The following CYP3A5 variants were observed in gnomAD, a reference collection of about 807,000 sequenced individuals.
CYP3A5 encodes cytochrome P450 family 3 subfamily A member 5, also known as cytochrome P450 3A5.
Under a neutral mutation model 55.9 loss-of-function variants are expected in CYP3A5, and 51 were observed. That is an observed-to-expected ratio of 0.91 (90% CI 0.73 to 1.15). The LOEUF is 1.15. CYP3A5 is among the 50% of genes most tolerant of loss of function. The pLI, the probability that CYP3A5 is intolerant of heterozygous loss-of-function variation, is 0.00. For missense variants in CYP3A5, 533 were observed against 596.6 expected (o/e 0.89, Z 1.11); for synonymous variants, 196 against 213.9 (o/e 0.92, Z 0.73).
intron 10 of CYP3A5, among the ~76,000 whole-genome samples, chr7:99,657,416 G>A (rs1053309772): frequency 8.1e-4 from 124 of 152,200 alleles, no homozygotes; most frequent in Non-Finnish European, 1.6e-3. Flanking sequence ...TGAATCCTGA[G>A]TTCTAGTTTG....
In CYP3A5 at chr7:99,657,631, A is replaced by G. The variant is rs563638755; in HGVS notation, c.1026+2868T>C. On this transcript the variant is annotated intron_variant, in intron 10 of 12. Transcript: ENST00000222982. ...GTGCAGAGCTGAGTTCAATTCCTGG[A>G]TATCCTTCTTAACTTTCTGTCCTGT... Among the ~76,000 whole-genome samples, 5 of 152,242 alleles carry G rather than the reference A, an allele frequency of 3.3e-5. No individual in the cohort carries two copies. In the South Asian group the frequency reaches 6.2e-4, roughly 19 times the overall value.
At chr7:99,666,567 C>T in intron 6 of CYP3A5, 34 bp downstream of exon 6, 1 of 1,605,952 alleles carries the variant, frequency 6.2e-7, no homozygotes, top group African/African-American at 1.3e-5. Context: ...GGGCTCATGA[C>T]AGCTCAGAAC....
chr7:99,662,926 G>T lies in CYP3A5; in HGVS notation c.799-44C>A. The T allele has an allele frequency of 6.2e-7, 1 of 1,610,326 alleles. No homozygotes were observed. The highest frequency in any genetic ancestry group is 8.5e-7 in the Non-Finnish European group (1 of 1,177,670). On this transcript the variant is annotated intron_variant, in intron 8 of 12. Coordinates refer to ENST00000222982, the MANE Select transcript of CYP3A5 (RefSeq NM_000777.5). The surrounding 1 kb of genome is among the most constrained non-coding windows in gnomAD (Gnocchi z 4.3). ...ATTTCTTTGGCAGAAAGTGACTCGT[G>T]AAGTCAGAAGTAAATCAAAAGTGCA...
At chr7:99,660,286 G>A in intron 10 of CYP3A5, 2 of 1,056,394 alleles carry the variant, frequency 1.9e-6, no homozygotes, top group Non-Finnish European at 2.3e-6. Context: ...GTGAACCAGG[G>A]CCAGCAATAT....
At chr7:99,670,430 C>G (rs374352494) in intron 4 of CYP3A5, among the ~76,000 whole-genome samples, 1 of 152,150 alleles carries the variant, frequency 6.6e-6, no homozygotes, top group African/African-American at 2.4e-5. Flanking sequence ...GTCCTGTGAA[C>G]AGCCAAAAAT....
Position 99,665,252 on chromosome 7 carries a change from G to C in CYP3A5, c.584C>G (p.Ser195Cys), listed in dbSNP as rs979438885. The part of the protein sequence containing the change: ...TGTSFGVNID[S>C]LNNPQDPFVE... ...AAAGGGGTCTTGTGGATTGTTGAGA[G>C]AGTCGATGTTCACTCCAAATGATGT... Residue 195 changes from serine to cysteine, a missense_variant, in exon 7 of 13, where the codon TCT becomes TGT. Transcript: ENST00000222982. The C allele has an allele frequency of 5.6e-6, 9 of 1,614,074 alleles. No individual in the cohort carries two copies. The African/African-American group carries it at 8.0e-5, about 14-fold the overall frequency.
intron 10 of CYP3A5, among the ~76,000 whole-genome samples, chr7:99,658,262 T>G (rs62398480): frequency 0.031 from 4,687 of 152,256 alleles, 226 homozygotes; most frequent in African/African-American, 0.1. Flanking sequence ...CAAGAGCTCT[T>G]TTAGGGCAGG....
chr7:99,674,901 C>A (rs887622367), intron 2 of CYP3A5, among the ~76,000 whole-genome samples: 5 of 152,174 alleles, frequency 3.3e-5, no homozygotes, highest in Non-Finnish European at 7.3e-5. Context: ...GTCTCCTAAC[C>A]CCGTGAATGA....
chr7:99,660,697 C>A, intron 9 of CYP3A5, 38 bp from the exon 10 acceptor site: 1 of 1,606,632 alleles, frequency 6.2e-7, no homozygotes, highest in South Asian at 1.1e-5. Context: ...TAAATCAGGT[C>A]AACGTACAAC....
chr7:99,655,556 A>G (rs1809629807), intron 10 of CYP3A5, among the ~76,000 whole-genome samples: 1 of 152,226 alleles, frequency 6.6e-6, no homozygotes, highest in African/African-American at 2.4e-5. Flanking sequence ...TGACTTGGCA[A>G]TGCGGGCTCT....
At chr7:99,666,465 G>A in intron 6 of CYP3A5, 136 bp downstream of exon 6, 1 of 912,846 alleles carries the variant, frequency 1.1e-6, no homozygotes, top group Non-Finnish European at 1.7e-6. Flanking sequence ...CCTCTTAGGT[G>A]GCTCTTTGGA....
chr7:99,666,800 T>A lies in CYP3A5; in HGVS notation c.433-111A>T, dbSNP rs534518439. 15 of 1,592,550 alleles carry A rather than the reference T, an allele frequency of 9.4e-6. No homozygotes were observed. The East Asian group carries it at 3.4e-4, about 36-fold the overall frequency. On this transcript the variant is annotated intron_variant, in intron 5 of 12. Transcript: ENST00000222982. ...AAGTGACATTTTGTAATGAATTTTG[T>A]GATGTCTTTTCTGTACATAAAGATA...
At chr7:99,651,278 G>A (rs931664653) in intron 11 of CYP3A5, among the ~76,000 whole-genome samples, 3 of 152,070 alleles carry the variant, frequency 2.0e-5, no homozygotes, top group East Asian at 1.9e-4. Context: ...ACACATATAC[G>A]TATATATCAC....
chr7:99,663,650 A>G (rs1810665280), intron 8 of CYP3A5: 1 of 1,017,390 alleles, frequency 9.8e-7, no homozygotes, highest in South Asian at 4.3e-5. Context: ...TACCAGTAAA[A>G]TATATTTTCA....
intron 6 of CYP3A5, 128 bp downstream of exon 6, chr7:99,666,473 G>T: frequency 9.9e-7 from 1 of 1,007,364 alleles, no homozygotes; most frequent in Non-Finnish European, 1.5e-6. Flanking sequence ...GTGGCTCTTT[G>T]GAGTTGCAGC....
rs370611706 is a variant in CYP3A5 at position 99,667,303 on chromosome 7, T to TA, written c.319-239dup. On this transcript the variant is annotated intron_variant, in intron 4 of 12. Transcript: ENST00000222982. The stretch of plus-strand genomic sequence containing the variant: ...CATCTGGTGTGGTCTCCTGCCTCTA[T>TA]ATCTCAGTCTCCTTTTAATTGCAAA... Among the ~76,000 whole-genome samples the TA allele has an allele frequency of 2.8e-3, 419 of 152,270 alleles. 2 individuals are homozygous for TA. The highest frequency in any genetic ancestry group is 4.4e-3 in the Non-Finnish European group (300 of 68,000).
Position 99,671,802 on chromosome 7 carries a change from G to C in CYP3A5, c.318+778C>G, listed in dbSNP as rs559561358. On this transcript the variant is annotated intron_variant, in intron 4 of 12. Coordinates refer to ENST00000222982, the MANE Select transcript of CYP3A5 (RefSeq NM_000777.5). ...GAGAAAAAGACAAACTCCATGTTGT[G>C]ACTGTAGGACAGCAGGAGGGAGCCA... is the stretch of plus-strand genomic sequence containing the variant. The C allele has an allele frequency of 8.8e-5, 62 of 702,856 alleles. 2 individuals are homozygous for C. Among genetic ancestry groups the C allele is most frequent in the South Asian group, 8.7e-4 (59 of 67,576 alleles). The allele number at this position is 702,856 out of a possible 1,614,324, so 43.5% of individuals were successfully genotyped here. A position where few individuals can be genotyped will look rare whatever the true frequency, so the allele number is the denominator to read the frequency against.
At chr7:99,664,138 G>T in intron 7 of CYP3A5, 43 bp from the exon 8 acceptor site, 1 of 1,474,918 alleles carries the variant, frequency 6.8e-7, no homozygotes, top group Non-Finnish European at 9.2e-7. Flanking sequence ...CATTGAAAAT[G>T]CAAACTTTAC....
chr7:99,678,071 C>T (rs570400927), intron 1 of CYP3A5, among the ~76,000 whole-genome samples: 2 of 152,318 alleles, frequency 1.3e-5, no homozygotes, highest in East Asian at 3.9e-4. Context: ...ATTGTGTTGG[C>T]CTAAGGAGGG....
Sources: allele counts gnomAD v4.1 joint callset (sites outside exome capture counted in the v4.1 genomes callset), GRCh38; gene constraint gnomAD v4.1.1; non-coding constraint Gnocchi (gnomAD v3.1); transcripts MANE v1.5; gene names NCBI Gene and HGNC (gene_info 2026-07-23, HGNC 2026-07-21).